RAB9B: variants seen among roughly 807,000 people sequenced by gnomAD.
RAB9B encodes the protein ras-related protein Rab-9B.
Under a neutral mutation model 8.9 loss-of-function variants are expected in RAB9B, and 1 was observed. That is an observed-to-expected ratio of 0.11 (90% confidence interval 0.04 to 0.53). The LOEUF is 0.53. Among genes scored for constraint, RAB9B ranks in the 20% least tolerant of loss-of-function variants. The probability of loss-of-function intolerance (pLI) is 0.93; values close to 1 mark genes in which losing one functional copy is unlikely to be tolerated. For missense variants in RAB9B, 82 were observed against 152.9 expected, an observed-to-expected ratio of 0.54 and a Z score of 2.45; for synonymous variants, 63 against 57.0, an observed-to-expected ratio of 1.10 and a Z score of -0.47.
At chrX:103,817,676 C>T (rs2074644974), downstream of RAB9B, among the ~76,000 whole-genome samples, 4 of 110,065 alleles carry the variant, frequency 3.6e-5, no homozygotes, top group South Asian at 1.5e-3. Context: ...CTTTATTGCC[C>T]CCTTGTGGTT....
At chrX:103,807,696 G>A in the RAB9B span, among the ~76,000 whole-genome samples, 1 of 105,786 alleles carries the variant, frequency 9.5e-6, no homozygotes, top group Non-Finnish European at 1.9e-5. Context: ...AAGCCAAGGG[G>A]AGGAAGAGAT....
the RAB9B span, among the ~76,000 whole-genome samples, chrX:103,811,981 T>TTCTC: frequency 9.4e-6 from 1 of 106,888 alleles, no homozygotes; most frequent in Non-Finnish European, 1.9e-5. Context: ...TCTCCTCTCT[T>TTCTC]TCTCTCTCTC....
At chrX:103,829,452 T>C in intron 1 of RAB9B, among the ~76,000 whole-genome samples, 1 of 112,538 alleles carries the variant, frequency 8.9e-6, no homozygotes, top group African/African-American at 3.2e-5. Flanking sequence ...TTTGTCTCCT[T>C]GCCTTCATTC....
chrX:103,807,108 T>G, the RAB9B span, among the ~76,000 whole-genome samples: 1 of 111,948 alleles, frequency 8.9e-6, no homozygotes, highest in African/African-American at 3.2e-5. Context: ...ATTTTACTCT[T>G]TGATGTTCCA....
At chrX:103,808,869 C>T in the RAB9B span, among the ~76,000 whole-genome samples, 4 of 113,140 alleles carry the variant, frequency 3.5e-5, no homozygotes, top group African/African-American at 1.3e-4. Flanking sequence ...GCTTGGCTTT[C>T]CTGTTTGCTG....
chrX:103,818,928 C>T (rs180845818), downstream of RAB9B, among the ~76,000 whole-genome samples: 4 of 110,807 alleles, frequency 3.6e-5, no homozygotes, highest in African/African-American at 9.8e-5. Flanking sequence ...AAGCATTTAT[C>T]GGTCACTCTA....
At chrX:103,786,413 G>T in the RAB9B span, 1 of 1,170,043 alleles carries the variant, frequency 8.5e-7, no homozygotes, top group East Asian at 3.0e-5. Flanking sequence ...AAAGAAGCCA[G>T]GTCTTCAATT....
At chrX:103,799,855 T>G in the RAB9B span, among the ~76,000 whole-genome samples, 5 of 111,738 alleles carry the variant, frequency 4.5e-5, no homozygotes, top group Non-Finnish European at 9.4e-5. Context: ...TTCATTCATT[T>G]TACTGACAAT....
the RAB9B span, chrX:103,785,920 C>T: frequency 1.6e-5 from 11 of 702,725 alleles, no homozygotes; most frequent in Non-Finnish European, 2.2e-5. Flanking sequence ...ATCTCTCCTG[C>T]TCCACATTCG....
chrX:103,804,964 C>T, the RAB9B span, among the ~76,000 whole-genome samples: 1 of 111,284 alleles, frequency 9.0e-6, no homozygotes, highest in African/African-American at 3.3e-5. Context: ...GATTATCTTA[C>T]ATCTTCCTTT....
At chrX:103,778,288 A>G in the RAB9B span, among the ~76,000 whole-genome samples, 1 of 112,411 alleles carries the variant, frequency 8.9e-6, no homozygotes, top group South Asian at 3.7e-4. Flanking sequence ...GTAAATCATG[A>G]TAATACCTAC....
the RAB9B span, among the ~76,000 whole-genome samples, chrX:103,794,426 C>T: frequency 2.7e-5 from 3 of 111,806 alleles, no homozygotes; most frequent in African/African-American, 9.8e-5. Context: ...TCCACCCACT[C>T]AATCATTTGG....
At chrX:103,783,652 C>A in the RAB9B span, among the ~76,000 whole-genome samples, 2 of 111,940 alleles carry the variant, frequency 1.8e-5, no homozygotes, top group Non-Finnish European at 3.8e-5. Flanking sequence ...CCATGTAAAT[C>A]ACTAGGTATT....
chrX:103,792,984 G>A, the RAB9B span, among the ~76,000 whole-genome samples: 4 of 112,194 alleles, frequency 3.6e-5, no homozygotes, highest in Admixed American at 9.4e-5. Context: ...CCAGTCCCCG[G>A]TGCATTTAGA....
rs763344260 is a variant in RAB9B, at chrX:103,822,678, T to C, written c.*2501A>G. ...CTAGTGTTCTTTAAAAAAACACCTA[T>C]TGAAAATATTACACTGCACATTCTA... On this transcript the variant is annotated 3_prime_UTR_variant, in exon 3 of 3. Transcript: ENST00000243298. 5.4e-5 allele frequency: 6 copies of C among 112,080 alleles called. No homozygotes were observed. Among genetic ancestry groups the C allele is most frequent in the African/African-American group, 1.9e-4 (6 of 30,914 alleles). 9.2% of individuals were successfully genotyped at this position (112,080 alleles called of 1,213,427 possible). A position where few individuals can be genotyped will look rare whatever the true frequency, so the allele number is the denominator to read the frequency against.
At chrX:103,816,461 C>G in the RAB9B span, among the ~76,000 whole-genome samples, 1 of 111,748 alleles carries the variant, frequency 8.9e-6, no homozygotes, top group Non-Finnish European at 1.9e-5. Context: ...AACGTAAGAC[C>G]TAGGACCATA....
chrX:103,780,896 G>A, the RAB9B span: 3 of 117,762 alleles, frequency 2.5e-5, no homozygotes, highest in African/African-American at 9.7e-5. Context: ...GATCAAGGAG[G>A]CCTCTGTTCA....
chrX:103,785,918 T>C, the RAB9B span: 2 of 703,257 alleles, frequency 2.8e-6, no homozygotes, highest in East Asian at 6.8e-5. Context: ...AGATCTCTCC[T>C]GCTCCACATT....
the RAB9B span, among the ~76,000 whole-genome samples, chrX:103,794,837 G>T: frequency 8.9e-6 from 1 of 111,911 alleles, no homozygotes; most frequent in East Asian, 2.8e-4. Context: ...TTTGAAAGAC[G>T]CAAACATACT....
Sources: allele counts gnomAD v4.1 joint callset (sites outside exome capture counted in the v4.1 genomes callset), GRCh38; gene constraint gnomAD v4.1.1; transcripts MANE v1.5; gene names NCBI Gene and HGNC (gene_info 2026-07-23, HGNC 2026-07-21).